The following ZNF385D variants were observed in gnomAD, a reference collection of about 807,000 sequenced individuals.
ZNF385D encodes the protein zinc finger protein 385D, also known as zinc finger protein 659.
In ZNF385D, 15 loss-of-function variants were observed where a neutral mutation model predicts 35.8. The observed-to-expected ratio is 0.42, with a 90% CI of 0.28 to 0.64. The LOEUF (loss-of-function observed/expected upper bound fraction) is 0.64. ZNF385D is among the 30% of genes least tolerant of loss of function. The probability of loss-of-function intolerance (pLI) is 0.23; values close to 1 mark genes in which losing one functional copy is unlikely to be tolerated. For synonymous variants in ZNF385D, 212 were observed against 186.8 expected, an observed-to-expected ratio of 1.13 and a Z score of -1.10; for missense variants, 474 against 494.6, an observed-to-expected ratio of 0.96 and a Z score of 0.39.
chr3:21,925,284 G>C (rs1238882853), intron 3 of ZNF385D, among the ~76,000 whole-genome samples: 2 of 152,102 alleles, frequency 1.3e-5, no homozygotes, highest in African/African-American at 4.8e-5. Context: ...GTTTGGTATT[G>C]GCAGAAGGAT....
Position 22,288,022 on chromosome 3 carries a change from C to A in ZNF385D, c.106+84428G>T, listed in dbSNP as rs893956013. Among the ~76,000 whole-genome samples, 28 of 152,010 alleles carry A rather than the reference C, an allele frequency of 1.8e-4. 1 individual carries two copies. Among genetic ancestry groups the A allele is most frequent in the Admixed American group, 1.0e-3 (16 of 15,254 alleles). ...ATCTTTGAAAGACAGAATTGCCTGG[C>A]ATATTAATCTTGACAGGCAAGGTTT... On this transcript the variant is annotated intron_variant, in intron 2 of 5. Coordinates refer to the ZNF385D transcript ENST00000494108.
chr3:22,001,324 A>T (rs1021134233), intron 3 of ZNF385D, among the ~76,000 whole-genome samples: 9 of 83,192 alleles, frequency 1.1e-4, no homozygotes, highest in Non-Finnish European at 1.9e-4. Flanking sequence ...GAAACCAAAA[A>T]CAAGCAGGAG....
At chr3:22,344,291 T>C (rs1391632641) in intron 2 of ZNF385D, among the ~76,000 whole-genome samples, 1 of 152,072 alleles carries the variant, frequency 6.6e-6, no homozygotes, top group Admixed American at 6.6e-5. Context: ...CTCTACTCAC[T>C]ACTGACTGCA....
chr3:21,923,435 G>C (rs1403286191), intron 3 of ZNF385D, among the ~76,000 whole-genome samples: 1 of 152,130 alleles, frequency 6.6e-6, no homozygotes, highest in Non-Finnish European at 1.5e-5. Context: ...TCAGCCACTG[G>C]GGAAAGCAGT....
chr3:21,508,089 G>C (rs538206947), intron 4 of ZNF385D, among the ~76,000 whole-genome samples: 1 of 151,866 alleles, frequency 6.6e-6, no homozygotes, highest in Admixed American at 6.6e-5. Flanking sequence ...AATGTCCATC[G>C]CTTCCTTCTT....
chr3:21,779,224 A>T (rs535565257), intron 3 of ZNF385D, among the ~76,000 whole-genome samples: 2 of 152,020 alleles, frequency 1.3e-5, no homozygotes, highest in Admixed American at 1.3e-4. Context: ...CAGGATATAA[A>T]CCTGCCAAAT....
intron 1 of ZNF385D, among the ~76,000 whole-genome samples, chr3:21,665,869 A>G (rs2125265207): frequency 6.6e-6 from 1 of 152,348 alleles, no homozygotes; most frequent in East Asian, 1.9e-4. Context: ...GTAACATTCC[A>G]AAACATCAAT....
At chr3:22,223,908 T>C (rs568399593) in intron 2 of ZNF385D, among the ~76,000 whole-genome samples, 14 of 152,298 alleles carry the variant, frequency 9.2e-5, no homozygotes, top group African/African-American at 3.4e-4. Flanking sequence ...CTCACTAGAA[T>C]GAAGCATGTA....
intron 2 of ZNF385D, among the ~76,000 whole-genome samples, chr3:22,314,717 GAGA>G (rs1703788399): frequency 6.6e-6 from 1 of 152,088 alleles, no homozygotes; most frequent in Non-Finnish European, 1.5e-5. Flanking sequence ...CATCCCCATT[GAGA>G]ATGCATGCTC....
intron 3 of ZNF385D, among the ~76,000 whole-genome samples, chr3:22,000,623 C>G (rs1248964020): frequency 2.6e-5 from 4 of 151,450 alleles, no homozygotes; most frequent in Non-Finnish European, 4.4e-5. Context: ...AAATCAAAGA[C>G]AAAGAGAGAA....
At chr3:22,273,059 GGAAAGAGA>G (rs1701258191) in intron 2 of ZNF385D, among the ~76,000 whole-genome samples, 1 of 151,030 alleles carries the variant, frequency 6.6e-6, no homozygotes, top group Non-Finnish European at 1.5e-5. Context: ...AAAAAGCCAA[GGAAAGAGA>G]GAAAGAGAGA....
At chr3:21,836,902 C>T (rs1440325473) in intron 3 of ZNF385D, among the ~76,000 whole-genome samples, 2 of 152,026 alleles carry the variant, frequency 1.3e-5, no homozygotes, top group African/African-American at 4.8e-5. Context: ...AATCATTTGG[C>T]TTATTCCACT....
chr3:21,581,024 G>C (rs77499153), intron 2 of ZNF385D, among the ~76,000 whole-genome samples: 2 of 151,944 alleles, frequency 1.3e-5, no homozygotes, highest in African/African-American at 4.8e-5. Context: ...TCCTCCCACC[G>C]TAAGTGCCCT....
chr3:21,852,454 C>T (rs1696441608), intron 3 of ZNF385D, among the ~76,000 whole-genome samples: 1 of 151,856 alleles, frequency 6.6e-6, no homozygotes, highest in African/African-American at 2.4e-5. Flanking sequence ...CACCTCTAGA[C>T]CTGTGGCTTT....
rs574483131 is a variant in ZNF385D at position 21,466,343 on chromosome 3, T to C, written c.440-29140A>G. Reference sequence around the variant, plus strand: ...CACTTTGCTCTAGTCATATTGAAGTTTATTCTTTTCCTTGAAAAGAATAAC... The same window carrying C: ...CACTTTGCTCTAGTCATATTGAAGTCTATTCTTTTCCTTGAAAAGAATAAC... On this transcript the variant is annotated intron_variant, in intron 4 of 7. Coordinates refer to ENST00000281523, the MANE Select transcript of ZNF385D (RefSeq NM_024697.3). Among the ~76,000 whole-genome samples the C allele has an allele frequency of 9.8e-5, 15 of 152,332 alleles. 1 individual carries two copies. The highest frequency in any genetic ancestry group is 5.2e-4 in the Admixed American group (8 of 15,302).
chr3:21,810,717 T>TTA (rs1401678068), intron 3 of ZNF385D, among the ~76,000 whole-genome samples: 2 of 152,044 alleles, frequency 1.3e-5, no homozygotes, highest in African/African-American at 2.4e-5. Context: ...TATAAACATT[T>TTA]TATGTAATTA....
At chr3:21,599,308 T>C (rs2064215408) in intron 2 of ZNF385D, among the ~76,000 whole-genome samples, 1 of 152,202 alleles carries the variant, frequency 6.6e-6, no homozygotes, top group Non-Finnish European at 1.5e-5. Flanking sequence ...GTTTGGCAAA[T>C]ACCAAATACT....
intron 3 of ZNF385D, among the ~76,000 whole-genome samples, chr3:22,078,072 G>A (rs1389496685): frequency 6.6e-6 from 1 of 152,082 alleles, no homozygotes; most frequent in Admixed American, 6.6e-5. Context: ...TGAAATTTGT[G>A]AGTACCATTT....
intron 2 of ZNF385D, among the ~76,000 whole-genome samples, chr3:21,576,801 A>G (rs1014646028): frequency 6.6e-6 from 1 of 152,226 alleles, no homozygotes; most frequent in East Asian, 1.9e-4. Flanking sequence ...GAAAGGGAAG[A>G]AAGTGATTTT....
Sources: gnomAD v4.1 joint callset for allele counts (sites outside exome capture counted in the v4.1 genomes callset) on GRCh38, gnomAD v4.1.1 for gene constraint, MANE v1.5 for transcripts, NCBI Gene and HGNC (gene_info 2026-07-23, HGNC 2026-07-21) for gene names.